TNRC18: variants seen among roughly 807,000 people sequenced by gnomAD.
The protein encoded by TNRC18 is trinucleotide repeat-containing gene 18 protein.
A neutral mutation model predicts 226.7 loss-of-function variants in TNRC18; 69 were observed. That is an observed-to-expected ratio of 0.30 (90% CI 0.25 to 0.37). The LOEUF is 0.37. Ranked by LOEUF, TNRC18 falls within the 10% of genes least tolerant of loss-of-function variation. TNRC18 has a pLI of 1.00. For synonymous variants in TNRC18, 2,449 were observed against 1,927.6 expected (o/e 1.27, Z -7.09); for missense variants, 4,754 against 4,256.6 (o/e 1.12, Z -3.25).
chr7:5,343,336 A>G lies in TNRC18; in HGVS notation c.5719+2226T>C, dbSNP rs114204689. On this transcript the variant is annotated intron_variant, in intron 18 of 29. Transcript: ENST00000430969. ...GCCACTACACTTCAGCCTGGGTGACAAAGCGAGACCGTATCTCAAAAAAGA... is the reference window on the plus strand; with the variant it reads ...GCCACTACACTTCAGCCTGGGTGACGAAGCGAGACCGTATCTCAAAAAAGA... 9.2e-3 allele frequency among the ~76,000 whole-genome samples: 1,401 copies of G among 152,312 alleles called. 17 individuals carry two copies. The highest frequency in any genetic ancestry group is 0.033 in the African/African-American group (1,354 of 41,564).
At position 5,324,687 on chromosome 7, in the gene TNRC18, T is replaced by C. The variant is rs897684400; in HGVS notation, c.6301-332A>G. Among the ~76,000 whole-genome samples the C allele has an allele frequency of 1.3e-5, 2 of 152,156 alleles. No individual in the cohort carries two copies. Among genetic ancestry groups the C allele is most frequent in the Non-Finnish European group, 2.9e-5 (2 of 68,022 alleles). On this transcript the variant is annotated intron_variant, in intron 20 of 29. Transcript: ENST00000430969. This position sits in a 1 kb window ranked among gnomAD's most constrained non-coding sequence, Gnocchi z 4.8. ...TTCTTAGAGAAACTTCAGCAGCATC[T>C]CCAGCATTTCCACCCAATGGGCTTG...
At chr7:5,357,299 G>T in intron 15 of TNRC18, 23 bp from the exon 16 acceptor site, 1 of 1,594,214 alleles carries the variant, frequency 6.3e-7, no homozygotes, top group Non-Finnish European at 8.6e-7. Context: ...GGTGGGTCAT[G>T]GGTTAAAAGA....
intron 11 of TNRC18, among the ~76,000 whole-genome samples, chr7:5,365,575 G>A (rs1263661487): frequency 6.6e-6 from 1 of 151,998 alleles, no homozygotes; most frequent in Non-Finnish European, 1.5e-5. Context: ...TCTTGCTTTA[G>A]TCTCTACCAA....
intron 16 of TNRC18, among the ~76,000 whole-genome samples, chr7:5,353,649 G>A (rs187544197): frequency 1.3e-5 from 2 of 150,768 alleles, no homozygotes; most frequent in African/African-American, 2.4e-5. Flanking sequence ...TTCTCGCTTC[G>A]ACCTCCGTCC....
intron 9 of TNRC18, among the ~76,000 whole-genome samples, chr7:5,375,713 C>A (rs920044453): frequency 6.6e-6 from 1 of 152,296 alleles, no homozygotes; most frequent in Non-Finnish European, 1.5e-5. Context: ...CGGGAGCCCA[C>A]TGGACTCCTT....
At chr7:5,323,013 G>A (rs1788530936) in intron 21 of TNRC18, among the ~76,000 whole-genome samples, 1 of 152,324 alleles carries the variant, frequency 6.6e-6, no homozygotes, top group African/African-American at 2.4e-5. Context: ...AACACACGCA[G>A]AGAGGACCAC....
At chr7:5,419,335 T>G (rs1782392065) in intron 2 of TNRC18, among the ~76,000 whole-genome samples, 1 of 152,186 alleles carries the variant, frequency 6.6e-6, no homozygotes, top group Non-Finnish European at 1.5e-5. Context: ...GCGACGCCCC[T>G]TCCCAGCCTC....
chr7:5,383,957 A>ATTGTTTTT (rs1779576380), intron 5 of TNRC18, among the ~76,000 whole-genome samples: 1 of 78,794 alleles, frequency 1.3e-5, no homozygotes, highest in Non-Finnish European at 2.2e-5. Context: ...TACCCGGGTG[A>ATTGTTTTT]TTTTTTTTTT....
chr7:5,390,150 G>A (rs1282322459), intron 4 of TNRC18: 3 of 441,578 alleles, frequency 6.8e-6, no homozygotes, highest in Non-Finnish European at 1.2e-5. Context: ...GATTGCTTGA[G>A]GCCAGGAGTT....
At chr7:5,374,581 G>A in intron 9 of TNRC18, 97 bp from the exon 10 acceptor site, 1 of 1,300,006 alleles carries the variant, frequency 7.7e-7, no homozygotes, top group Non-Finnish European at 1.0e-6. Flanking sequence ...CCGAGTCCGA[G>A]GAGAACCTCA....
In TNRC18 at chr7:5,320,724, G is replaced by A. The variant is rs1788264026; in HGVS notation, c.6561-117C>T. ...TGGGAGGTAACACCAGGACTCAGAG[G>A]TTTGCTGACTTGCTGAATTTGGGAA... On this transcript the variant is annotated intron_variant, in intron 22 of 29. Transcript: ENST00000430969. The A allele has an allele frequency of 2.9e-5, 25 of 853,422 alleles. No homozygotes were observed. The South Asian group carries it at 4.3e-4, about 15-fold the overall frequency. The allele number at this position is 853,422 out of a possible 1,614,324, so 52.9% of individuals were successfully genotyped here.
At chr7:5,404,326 A>C (rs1781317838) in intron 2 of TNRC18, among the ~76,000 whole-genome samples, 2 of 151,420 alleles carry the variant, frequency 1.3e-5, no homozygotes, top group Admixed American at 6.6e-5. Context: ...AGCCGAGATC[A>C]CGCCACTGCA....
intron 2 of TNRC18, chr7:5,420,090 G>A (rs990543800): frequency 2.5e-5 from 7 of 283,412 alleles, no homozygotes; most frequent in Admixed American, 5.0e-5. Context: ...CAGGTCTGGA[G>A]GTCCCCGAGT....
At chr7:5,412,817 G>C (rs1207444769) in intron 2 of TNRC18, among the ~76,000 whole-genome samples, 1 of 152,164 alleles carries the variant, frequency 6.6e-6, no homozygotes, top group African/African-American at 2.4e-5. Flanking sequence ...CCCCCAAAAT[G>C]CTCAGAAATG....
chr7:5,369,029 A>T (rs1224905863), intron 11 of TNRC18, among the ~76,000 whole-genome samples: 1 of 152,198 alleles, frequency 6.6e-6, no homozygotes, highest in Non-Finnish European at 1.5e-5. Context: ...CCCATGTCCC[A>T]GAACTCAGTT....
At position 5,345,816 on chromosome 7, in the gene TNRC18, G is replaced by A. The variant is rs779034822; in HGVS notation, c.5471-6C>T. On this transcript the variant is annotated splice_region_variant and splice_polypyrimidine_tract_variant and intron_variant, in intron 17 of 29. Coordinates refer to ENST00000430969, the MANE Select transcript of TNRC18 (RefSeq NM_001080495.3). ...CTCCTCCTCCGAGCTCTCATCTGGC[G>A]TGCAGAAAACAGGGACCGAGTCAGA... The A allele has an allele frequency of 2.9e-5, 44 of 1,539,604 alleles. No individual in the cohort carries two copies. Among genetic ancestry groups the A allele is most frequent in the Non-Finnish European group, 3.4e-5 (39 of 1,145,624 alleles).
intron 5 of TNRC18, among the ~76,000 whole-genome samples, chr7:5,380,381 G>A (rs1035005806): frequency 2.6e-5 from 4 of 152,222 alleles, no homozygotes; most frequent in Admixed American, 6.5e-5. Context: ...AGGAGGTGGA[G>A]ACTGCAGTGA....
At chr7:5,325,418 GTTT>G (rs138438851) in intron 19 of TNRC18, 170 bp from the exon 20 acceptor site, 7 of 589,668 alleles carry the variant, frequency 1.2e-5, no homozygotes, top group South Asian at 6.8e-5. Flanking sequence ...TTGGTTTTGG[GTTT>G]TTTTTTGTTT....
chr7:5,361,488 A>G, intron 14 of TNRC18, 106 bp downstream of exon 14: 1 of 1,327,488 alleles, frequency 7.5e-7, no homozygotes, highest in Non-Finnish European at 9.9e-7. Context: ...TCAGAGCCCG[A>G]GGGACGCGAG....
Sources: allele counts gnomAD v4.1 joint callset (sites outside exome capture counted in the v4.1 genomes callset), GRCh38; gene constraint gnomAD v4.1.1; non-coding constraint Gnocchi (gnomAD v3.1); transcripts MANE v1.5; gene names NCBI Gene and HGNC (gene_info 2026-07-23, HGNC 2026-07-21).